SPAG16: variants seen among roughly 807,000 people sequenced by gnomAD.
SPAG16 encodes sperm associated antigen 16.
SPAG16 carries 86 observed loss-of-function variants against 80.4 expected under a neutral mutation model. That is an observed-to-expected ratio of 1.07 (90% CI 0.90 to 1.28). The LOEUF is 1.28. SPAG16 is among the 50% of genes most tolerant of loss of function. The pLI, the probability that SPAG16 is intolerant of heterozygous loss-of-function variation, is 0.00. For synonymous variants in SPAG16, 294 were observed against 265.9 expected (o/e 1.11, Z -1.03); for missense variants, 870 against 765.3 (o/e 1.14, Z -1.61).
chr2:213,885,651 T>C (rs908466251), intron 11 of SPAG16, among the ~76,000 whole-genome samples: 1 of 152,198 alleles, frequency 6.6e-6, no homozygotes, highest in Non-Finnish European at 1.5e-5. Flanking sequence ...TGTGTGATAA[T>C]GGTAAAAAGG....
rs550849625 is a variant in SPAG16, at chr2:214,167,556, C to T, written c.1720+18290C>T. ...GAGAAGGAAAGGAAAGGATACTTTACTGATGTTCTCAAAACACAGTAACAT... is the reference window on the plus strand; with the variant it reads ...GAGAAGGAAAGGAAAGGATACTTTATTGATGTTCTCAAAACACAGTAACAT... On this transcript the variant is annotated intron_variant, in intron 15 of 15. Transcript: ENST00000331683. Among the ~76,000 whole-genome samples the T allele has an allele frequency of 3.9e-5, 6 of 152,206 alleles. No homozygotes were observed. In the South Asian group the frequency reaches 1.2e-3, roughly 32 times the overall value.
intron 15 of SPAG16, among the ~76,000 whole-genome samples, chr2:214,255,001 G>A (rs1334566343): frequency 6.6e-6 from 1 of 151,954 alleles, no homozygotes; most frequent in Non-Finnish European, 1.5e-5. Context: ...AGGGGATAAT[G>A]GTGTAACTTC....
intron 9 of SPAG16, among the ~76,000 whole-genome samples, chr2:213,482,518 G>A (rs2073796150): frequency 6.6e-6 from 1 of 150,914 alleles, no homozygotes; most frequent in Non-Finnish European, 1.5e-5. Context: ...AAAATCAAAT[G>A]GTATAATGAT....
At position 213,601,431 on chromosome 2, in the gene SPAG16, G is replaced by A. The variant is rs375999139; in HGVS notation, c.1070+111341G>A. On this transcript the variant is annotated intron_variant, in intron 10 of 15. Transcript: ENST00000331683. ...TACATGCATGTATATGTGTGTTTAC[G>A]TGTTCATCATAAATTTAGAGGCTAA... is the stretch of plus-strand genomic sequence containing the variant. 8.5e-5 allele frequency among the ~76,000 whole-genome samples: 13 copies of A among 152,148 alleles called. No individual in the cohort carries two copies. In the South Asian group the frequency reaches 1.0e-3, roughly 12 times the overall value.
At chr2:213,831,877 T>C (rs1356392040) in intron 10 of SPAG16, among the ~76,000 whole-genome samples, 1 of 152,192 alleles carries the variant, frequency 6.6e-6, no homozygotes, top group Non-Finnish European at 1.5e-5. Flanking sequence ...CCAGGTTTTA[T>C]AATTTGCTCA....
chr2:213,986,758 G>T (rs534707175), intron 12 of SPAG16, among the ~76,000 whole-genome samples: 1 of 151,804 alleles, frequency 6.6e-6, no homozygotes, highest in African/African-American at 2.4e-5. Flanking sequence ...ACGTTGTGAA[G>T]TTGGGAAAAA....
At chr2:213,409,212 A>T (rs2068828877) in intron 9 of SPAG16, among the ~76,000 whole-genome samples, 1 of 152,246 alleles carries the variant, frequency 6.6e-6, no homozygotes, top group Admixed American at 6.5e-5. Context: ...AGGTTATAAA[A>T]GGGAATTTAT....
At chr2:214,325,796 G>T (rs1344540806) in intron 15 of SPAG16, among the ~76,000 whole-genome samples, 1 of 151,422 alleles carries the variant, frequency 6.6e-6, no homozygotes, top group Non-Finnish European at 1.5e-5. Context: ...CTTTTTCACT[G>T]GTTAGCATAC....
chr2:213,895,857 C>T (rs763855431), intron 11 of SPAG16, among the ~76,000 whole-genome samples: 1 of 151,912 alleles, frequency 6.6e-6, no homozygotes, highest in African/African-American at 2.4e-5. Context: ...CACCCCAGGA[C>T]ATTGGTCTGG....
Position 213,350,611 on chromosome 2 carries a change from T to C in SPAG16, c.728T>C (p.Leu243Pro), listed in dbSNP as rs928668369. The C allele has an allele frequency of 2.5e-6, 4 of 1,603,466 alleles. No homozygotes were observed. The highest frequency in any genetic ancestry group is 2.5e-6 in the Non-Finnish European group (3 of 1,176,610). ...CACACTTTACTGAAGGAGAAAATGC[T>C]GACCTCCTTGGAAAGAGACAAAGTA... ...KHHTLLKEKM[L>P]TSLERDKVVG... Residue 243 changes from leucine (L) to proline (P), a missense_variant, in exon 7 of 16, where the codon CTG (leucine) becomes CCG (proline). Physicochemically the swap from Leu to Pro is moderately conservative, Grantham distance 98. Transcript: ENST00000331683.
At chr2:213,710,079 G>A (rs1200075229) in intron 10 of SPAG16, among the ~76,000 whole-genome samples, 1 of 152,096 alleles carries the variant, frequency 6.6e-6, no homozygotes, top group African/African-American at 2.4e-5. Flanking sequence ...TGGAGATGGA[G>A]ACTCTCCTGG....
At chr2:213,801,116 T>C (rs1431211690) in intron 10 of SPAG16, among the ~76,000 whole-genome samples, 2 of 152,236 alleles carry the variant, frequency 1.3e-5, no homozygotes, top group Non-Finnish European at 2.9e-5. Context: ...AGTGTTCATA[T>C]GTCTTCAGAT....
intron 15 of SPAG16, among the ~76,000 whole-genome samples, chr2:214,204,530 G>A (rs1304535058): frequency 6.6e-6 from 1 of 152,206 alleles, no homozygotes; most frequent in Non-Finnish European, 1.5e-5. Context: ...CCCTGTATGA[G>A]CCCAGAGACT....
At chr2:213,343,440 A>G (rs548456196) in intron 6 of SPAG16, among the ~76,000 whole-genome samples, 3 of 152,308 alleles carry the variant, frequency 2.0e-5, no homozygotes, top group East Asian at 3.9e-4. Flanking sequence ...AGACAAGTGT[A>G]TGTCCAACAT....
chr2:213,757,682 A>C (rs566869997), intron 10 of SPAG16, among the ~76,000 whole-genome samples: 2 of 152,274 alleles, frequency 1.3e-5, no homozygotes, highest in Admixed American at 6.5e-5. Flanking sequence ...ACTTAACCAC[A>C]GTAGTAGCTA....
intron 10 of SPAG16, among the ~76,000 whole-genome samples, chr2:213,658,952 C>T (rs577325555): frequency 5.4e-4 from 82 of 152,180 alleles, no homozygotes; most frequent in Non-Finnish European, 9.7e-4. Context: ...AGGAGAATTG[C>T]TTGCACCCGG....
intron 13 of SPAG16, among the ~76,000 whole-genome samples, chr2:214,040,022 T>A (rs1263729872): frequency 2.0e-5 from 3 of 152,116 alleles, no homozygotes; most frequent in Admixed American, 6.6e-5. Flanking sequence ...CAGGAGTGGT[T>A]AGTGGGCCCA....
chr2:213,681,291 A>G (rs976416911), intron 10 of SPAG16, among the ~76,000 whole-genome samples: 2 of 152,214 alleles, frequency 1.3e-5, no homozygotes, highest in Non-Finnish European at 2.9e-5. Context: ...ACTGAAAAGT[A>G]AGTCACAATA....
intron 7 of SPAG16, among the ~76,000 whole-genome samples, chr2:213,356,476 G>A (rs1306886538): frequency 6.6e-6 from 1 of 152,204 alleles, no homozygotes; most frequent in Non-Finnish European, 1.5e-5. Context: ...TTATTCTTGT[G>A]AGAGAGTGTG....
Sources: gnomAD v4.1 joint callset for allele counts (sites outside exome capture counted in the v4.1 genomes callset) on GRCh38, gnomAD v4.1.1 for gene constraint, MANE v1.5 for transcripts, NCBI Gene and HGNC (gene_info 2026-07-23, HGNC 2026-07-21) for gene names.